SHTN1: variants seen among roughly 807,000 people sequenced by gnomAD.
SHTN1 encodes shootin 1, also known as shootin-1.
A neutral mutation model predicts 83.1 loss-of-function variants in SHTN1; 42 were observed. That is an observed-to-expected ratio of 0.51 (90% CI 0.39 to 0.65). SHTN1 has a LOEUF of 0.65. Ranked by LOEUF, SHTN1 falls within the 30% of genes least tolerant of loss-of-function variation. The probability of loss-of-function intolerance (pLI) is 0.00; values close to 1 mark genes in which losing one functional copy is unlikely to be tolerated. For synonymous variants in SHTN1, 224 were observed against 247.7 expected, an observed-to-expected ratio of 0.90 and a Z score of 0.90; for missense variants, 622 against 737.8, an observed-to-expected ratio of 0.84 and a Z score of 1.82.
rs201343735 is a variant in SHTN1 at position 116,924,746 on chromosome 10, A to ATTT, written c.1112+3043_1112+3045dup. On this transcript the variant is annotated intron_variant, in intron 11 of 16. Coordinates refer to ENST00000355371, the MANE Select transcript of SHTN1 (RefSeq NM_001127211.3). The stretch of plus-strand genomic sequence containing the variant: ...ACATTTCAGTGGAGAATTTTCACCT[A>ATTT]TTTTTTTTTTTTTTTTTTTTTTTTT... Among the ~76,000 whole-genome samples, 166 of 89,540 alleles carry ATTT rather than the reference A, an allele frequency of 1.9e-3. 7 individuals are homozygous for ATTT. The highest frequency in any genetic ancestry group is 2.8e-3 in the Non-Finnish European group (124 of 44,616). The allele number at this position is 89,540 out of a possible 152,430, so 58.7% of individuals were successfully genotyped here. A position where few individuals can be genotyped will look rare whatever the true frequency, so the allele number is the denominator to read the frequency against.
intron 1 of SHTN1, among the ~76,000 whole-genome samples, chr10:117,071,717 G>T (rs181891234): frequency 8.5e-5 from 13 of 152,140 alleles, no homozygotes; most frequent in African/African-American, 1.9e-4. Flanking sequence ...CTACTAGGCT[G>T]CCAGAAAACT....
chr10:117,005,459 C>T, upstream of SHTN1: 2 of 1,040,762 alleles, frequency 1.9e-6, no homozygotes, highest in African/African-American at 1.7e-5. Flanking sequence ...ACCTCCCGGA[C>T]TCAGGGACGC....
At chr10:117,065,760 GAAA>G (rs1852975132) in intron 1 of SHTN1, among the ~76,000 whole-genome samples, 3 of 42,912 alleles carry the variant, frequency 7.0e-5, no homozygotes, top group East Asian at 9.2e-4. Context: ...AAGAAAGAAA[GAAA>G]GAAAGAAAGA....
chr10:116,938,071 T>C (rs1432575340), intron 9 of SHTN1, among the ~76,000 whole-genome samples: 1 of 152,004 alleles, frequency 6.6e-6, no homozygotes, highest in Non-Finnish European at 1.5e-5. Flanking sequence ...CTCTAACCTT[T>C]TATCAAGGTT....
chr10:117,118,241 A>G (rs183642121), intron 1 of SHTN1, among the ~76,000 whole-genome samples: 1 of 152,234 alleles, frequency 6.6e-6, no homozygotes, highest in African/African-American at 2.4e-5. Flanking sequence ...AAAGGGCAAA[A>G]GATCTGAATA....
chr10:116,902,608 T>C (rs753948437), intron 15 of SHTN1, among the ~76,000 whole-genome samples: 16 of 152,202 alleles, frequency 1.1e-4, no homozygotes, highest in Non-Finnish European at 1.6e-4. Context: ...GGCATATCAA[T>C]CTAAAAATTC....
In SHTN1 at chr10:116,963,683, G is replaced by A. The variant is rs143532464; in HGVS notation, c.173-3453C>T. Among the ~76,000 whole-genome samples, 687 of 152,268 alleles carry A rather than the reference G, an allele frequency of 4.5e-3. 3 individuals carry two copies. The highest frequency in any genetic ancestry group is 7.3e-3 in the Non-Finnish European group (496 of 68,024). ...AGCAATCTGAGGTCAGTGACAGTGG[G>A]TGTATGGGTGTACAGTTGGAAGACT... On this transcript the variant is annotated intron_variant, in intron 3 of 16. Transcript: ENST00000355371.
rs575542980 is a variant in SHTN1, at chr10:117,116,720, G to A, written c.-189+9587C>T. Among the ~76,000 whole-genome samples the A allele has an allele frequency of 1.1e-4, 16 of 152,270 alleles. 1 individual carries two copies. Among genetic ancestry groups the A allele is most frequent in the African/African-American group, 3.8e-4 (16 of 41,568 alleles). On this transcript the variant is annotated intron_variant, in intron 1 of 17. Coordinates refer to the SHTN1 transcript ENST00000392901. Reference sequence around the variant, plus strand: ...TAAAAGGATCATTCACCATGATCAAGTGAGATTCCTCCTTGGGATGCAAGG... The same window carrying A: ...TAAAAGGATCATTCACCATGATCAAATGAGATTCCTCCTTGGGATGCAAGG...
chr10:117,091,010 C>T (rs1853423949), intron 1 of SHTN1, among the ~76,000 whole-genome samples: 1 of 152,104 alleles, frequency 6.6e-6, no homozygotes, highest in African/African-American at 2.4e-5. Flanking sequence ...CTTCCCTTTC[C>T]AACTACAGTG....
At chr10:116,993,928 A>C (rs1851535043) in intron 1 of SHTN1, among the ~76,000 whole-genome samples, 1 of 152,166 alleles carries the variant, frequency 6.6e-6, no homozygotes, top group Admixed American at 6.5e-5. Flanking sequence ...ATTTAAGTTT[A>C]TCTACTTTTG....
chr10:116,999,805 T>C (rs3981232), intron 1 of SHTN1, among the ~76,000 whole-genome samples: 145,781 of 152,022 alleles, frequency 0.96, 70,198 homozygotes, highest in Non-Finnish European at 1. Context: ...CCCAGCTACT[T>C]GGGAGGCTGA....
chr10:116,926,614 A>G (rs1319549759), intron 11 of SHTN1, among the ~76,000 whole-genome samples: 4 of 152,176 alleles, frequency 2.6e-5, no homozygotes, highest in African/African-American at 9.7e-5. Context: ...GGAACATGCT[A>G]CGCATTCTAT....
chr10:116,912,148 G>A (rs1848224109), intron 13 of SHTN1, among the ~76,000 whole-genome samples: 1 of 152,162 alleles, frequency 6.6e-6, no homozygotes, highest in African/African-American at 2.4e-5. Context: ...GGTAGACATC[G>A]GATTTCAAAG....
intron 1 of SHTN1, among the ~76,000 whole-genome samples, chr10:117,083,874 G>C (rs367970961): frequency 6.6e-6 from 1 of 151,372 alleles, no homozygotes; most frequent in African/African-American, 2.4e-5. Flanking sequence ...CGTAGTTCTC[G>C]AGCCTTGGTT....
chr10:117,124,516 T>A (rs1853975984), intron 1 of SHTN1, among the ~76,000 whole-genome samples: 1 of 152,200 alleles, frequency 6.6e-6, no homozygotes, highest in South Asian at 2.1e-4. Context: ...AATTACTCTG[T>A]AATCCCACCA....
intron 1 of SHTN1, among the ~76,000 whole-genome samples, chr10:117,113,062 T>G (rs1853790164): frequency 6.6e-6 from 1 of 152,204 alleles, no homozygotes; most frequent in African/African-American, 2.4e-5. Context: ...TCCTGGTAGA[T>G]TTATCACGAT....
chr10:116,960,139 T>C lies in SHTN1; in HGVS notation c.264A>G (p.Thr88=), dbSNP rs200047114. 4.3e-4 allele frequency: 679 copies of C among 1,592,832 alleles called. 2 individuals are homozygous for C. Among genetic ancestry groups the C allele is most frequent in the Non-Finnish European group, 4.6e-5 (53 of 1,161,204 alleles). Residue 88 remains threonine, a synonymous_variant, in exon 4 of 17, where the codon ACA becomes ACG. Coordinates refer to ENST00000355371, the MANE Select transcript of SHTN1 (RefSeq NM_001127211.3). ...ATTCCTTCATTTGAAGTCTCACCTT[T>C]GTTGCCAAAGCTTCAGCACTTTCTC... is the stretch of plus-strand genomic sequence containing the variant. ...TCRESAEALA[T]KLNKENKTLK...
At chr10:117,091,580 G>A (rs1853430428) in intron 1 of SHTN1, among the ~76,000 whole-genome samples, 1 of 152,160 alleles carries the variant, frequency 6.6e-6, no homozygotes, top group Non-Finnish European at 1.5e-5. Flanking sequence ...AAGGCCCAAA[G>A]AATGCCAGCC....
At chr10:116,922,303 G>T (rs1251835730) in intron 11 of SHTN1, among the ~76,000 whole-genome samples, 1 of 151,970 alleles carries the variant, frequency 6.6e-6, no homozygotes, top group East Asian at 1.9e-4. Context: ...AAAAAAATCT[G>T]ATAATATCAA....
Sources: gnomAD v4.1 joint callset for allele counts (sites outside exome capture counted in the v4.1 genomes callset) on GRCh38, gnomAD v4.1.1 for gene constraint, MANE v1.5 for transcripts, NCBI Gene and HGNC (gene_info 2026-07-23, HGNC 2026-07-21) for gene names.